LRMDA: variants seen among roughly 807,000 people sequenced by gnomAD.
LRMDA encodes the protein leucine-rich melanocyte differentiation-associated protein.
In LRMDA, 18 loss-of-function variants were observed where a neutral mutation model predicts 29.8. That is an observed-to-expected ratio of 0.60 (90% CI 0.42 to 0.90). LRMDA has a LOEUF of 0.90. Among genes scored for constraint, LRMDA ranks in the 40% least tolerant of loss-of-function variants. The pLI is 0.00. For missense variants in LRMDA, 273 were observed against 273.9 expected (o/e 1.00, Z 0.02); for synonymous variants, 125 against 109.4 (o/e 1.14, Z -0.89).
At chr10:76,228,025 CT>C (rs35074858) in intron 5 of LRMDA, among the ~76,000 whole-genome samples, 22,047 of 140,178 alleles carry the variant, frequency 0.16, 4,237 homozygotes, top group African/African-American at 0.47. Context: ...AATTGTTAGT[CT>C]TTTTTTTTTT....
chr10:76,261,064 C>CTTT (rs58554883), intron 5 of LRMDA, among the ~76,000 whole-genome samples: 58,048 of 117,216 alleles, frequency 0.5, 14,233 homozygotes, highest in South Asian at 0.6. Flanking sequence ...CTTTTCTTTT[C>CTTT]TTTTTTTTTT....
At chr10:75,908,683 TTG>T (rs1391041589) in intron 2 of LRMDA, among the ~76,000 whole-genome samples, 5 of 152,266 alleles carry the variant, frequency 3.3e-5, no homozygotes, top group African/African-American at 1.2e-4. Flanking sequence ...CAGTGGAGCG[TTG>T]TTGCTGGGAC....
intron 2 of LRMDA, among the ~76,000 whole-genome samples, chr10:75,838,610 A>C (rs965645108): frequency 1.3e-5 from 2 of 152,118 alleles, no homozygotes; most frequent in Non-Finnish European, 2.9e-5. Flanking sequence ...GTCTGAGTTT[A>C]TGATAATGTA....
intron 6 of LRMDA, among the ~76,000 whole-genome samples, chr10:76,526,651 G>C (rs1843177311): frequency 6.6e-6 from 1 of 151,942 alleles, no homozygotes; most frequent in African/African-American, 2.4e-5. Context: ...ACCTAATAAA[G>C]ACTTGAAACT....
chr10:76,115,868 C>T (rs897453541), intron 5 of LRMDA, among the ~76,000 whole-genome samples: 1 of 152,030 alleles, frequency 6.6e-6, no homozygotes, highest in South Asian at 2.1e-4. Flanking sequence ...GGCAGGGCAG[C>T]CAGATGGAGC....
At chr10:75,548,590 C>T (rs974315482) in intron 2 of LRMDA, among the ~76,000 whole-genome samples, 1 of 152,158 alleles carries the variant, frequency 6.6e-6, no homozygotes, top group African/African-American at 2.4e-5. Flanking sequence ...TCTTCTGCTT[C>T]TCAGAACTCC....
chr10:75,967,887 G>A (rs1846894456), intron 2 of LRMDA, among the ~76,000 whole-genome samples: 1 of 152,100 alleles, frequency 6.6e-6, no homozygotes, highest in Admixed American at 6.5e-5. Context: ...TGAAGAGCCT[G>A]TTCTTGAGGG....
chr10:76,369,039 G>A lies in LRMDA; in HGVS notation c.601+44554G>A, dbSNP rs1261071949. ...TGAAGGCAGCAGATAGTTGGTTGCT[G>A]GGTTCTTATCCATTCTGCTGTTCTG... On this transcript the variant is annotated intron_variant, in intron 6 of 6. Transcript: ENST00000611255. 5.9e-5 allele frequency among the ~76,000 whole-genome samples: 9 copies of A among 152,112 alleles called. No homozygotes were observed. In the South Asian group the frequency reaches 1.2e-3, roughly 21 times the overall value.
At chr10:75,992,429 G>T (rs971453695) in intron 2 of LRMDA, among the ~76,000 whole-genome samples, 1 of 152,188 alleles carries the variant, frequency 6.6e-6, no homozygotes, top group African/African-American at 2.4e-5. Flanking sequence ...CCCTATTTCT[G>T]TGTGTGCTGC....
At chr10:76,455,737 T>C (rs983376036) in intron 6 of LRMDA, among the ~76,000 whole-genome samples, 1 of 152,110 alleles carries the variant, frequency 6.6e-6, no homozygotes, top group Non-Finnish European at 1.5e-5. Context: ...GGCATAGATG[T>C]GTAGGGGAAG....
At chr10:76,395,481 T>G (rs1841772981) in intron 6 of LRMDA, among the ~76,000 whole-genome samples, 1 of 152,216 alleles carries the variant, frequency 6.6e-6, no homozygotes, top group African/African-American at 2.4e-5. Flanking sequence ...GCAGCTTGGC[T>G]TCACTTGTAT....
chr10:76,476,660 T>G (rs975363124), intron 6 of LRMDA, among the ~76,000 whole-genome samples: 5 of 152,218 alleles, frequency 3.3e-5, no homozygotes, highest in African/African-American at 1.2e-4. Flanking sequence ...AATAAAATAC[T>G]AGCAAACTGA....
chr10:76,167,634 TA>T, intron 5 of LRMDA, among the ~76,000 whole-genome samples: 1 of 152,134 alleles, frequency 6.6e-6, no homozygotes, highest in South Asian at 2.1e-4. Flanking sequence ...GTACTAGTGC[TA>T]GGCTGTTTTC....
intron 2 of LRMDA, among the ~76,000 whole-genome samples, chr10:75,865,207 A>C (rs993250994): frequency 6.6e-6 from 1 of 152,220 alleles, no homozygotes; most frequent in Non-Finnish European, 1.5e-5. Flanking sequence ...GATTCCATTT[A>C]CATGACACTC....
chr10:76,094,186 T>C (rs928620491), intron 5 of LRMDA, among the ~76,000 whole-genome samples: 2 of 152,200 alleles, frequency 1.3e-5, no homozygotes, highest in Non-Finnish European at 2.9e-5. Context: ...GATGGAACGA[T>C]AGACTCCAAA....
intron 5 of LRMDA, among the ~76,000 whole-genome samples, chr10:76,192,614 T>C (rs532435190): frequency 1.6e-4 from 25 of 152,232 alleles, no homozygotes; most frequent in African/African-American, 6.0e-4. Context: ...CTGTTTCTTG[T>C]TGATAGTTAA....
intron 6 of LRMDA, among the ~76,000 whole-genome samples, chr10:76,348,256 C>T (rs1841133125): frequency 6.6e-6 from 1 of 152,070 alleles, no homozygotes; most frequent in African/African-American, 2.4e-5. Context: ...CTCTGGTACC[C>T]AAGCAAAGGG....
chr10:75,898,297 G>T (rs566504672), intron 2 of LRMDA, among the ~76,000 whole-genome samples: 92 of 152,266 alleles, frequency 6.0e-4, no homozygotes, highest in Admixed American at 1.1e-3. Flanking sequence ...CTCATAACTG[G>T]TCAGAGATTG....
At chr10:75,472,700 T>C (rs976895760) in intron 2 of LRMDA, among the ~76,000 whole-genome samples, 1 of 152,216 alleles carries the variant, frequency 6.6e-6, no homozygotes, top group Non-Finnish European at 1.5e-5. Flanking sequence ...ATATGGTGTA[T>C]GCTTTTCATT....
Sources: gnomAD v4.1 joint callset for allele counts (sites outside exome capture counted in the v4.1 genomes callset) on GRCh38, gnomAD v4.1.1 for gene constraint, MANE v1.5 for transcripts, NCBI Gene and HGNC (gene_info 2026-07-23, HGNC 2026-07-21) for gene names.